The following SEMA5A variants were observed in gnomAD, a reference collection of about 807,000 sequenced individuals.
SEMA5A encodes the protein semaphorin 5A, also known as semaphorin-5A.
SEMA5A carries 55 observed loss-of-function variants against 135.5 expected under a neutral mutation model. That is an observed-to-expected ratio of 0.41 (90% CI 0.33 to 0.51). The LOEUF is 0.51. SEMA5A is among the 20% of genes least tolerant of loss of function. SEMA5A has a pLI of 0.37. For synonymous variants in SEMA5A, 580 were observed against 546.5 expected (o/e 1.06, Z -0.85); for missense variants, 1,290 against 1,419.9 (o/e 0.91, Z 1.47).
At chr5:9,175,155 C>A (rs926840427) in intron 11 of SEMA5A, among the ~76,000 whole-genome samples, 1 of 151,942 alleles carries the variant, frequency 6.6e-6, no homozygotes, top group Non-Finnish European at 1.5e-5. Context: ...TCCCTGCATC[C>A]CCAAAGGAAT....
chr5:9,501,435 T>C (rs1735594180), intron 1 of SEMA5A, among the ~76,000 whole-genome samples: 1 of 152,330 alleles, frequency 6.6e-6, no homozygotes, highest in South Asian at 2.1e-4. Flanking sequence ...AGTATACATA[T>C]AAAAACATAC....
chr5:9,401,819 G>A (rs762350051), intron 2 of SEMA5A, among the ~76,000 whole-genome samples: 5 of 152,110 alleles, frequency 3.3e-5, no homozygotes, highest in Non-Finnish European at 5.9e-5. Context: ...GTCCTAATAA[G>A]CAGCTGCTTC....
intron 3 of SEMA5A, among the ~76,000 whole-genome samples, chr5:9,338,791 T>C (rs1753510414): frequency 6.6e-6 from 1 of 152,152 alleles, no homozygotes; most frequent in Non-Finnish European, 1.5e-5. Flanking sequence ...CAAACGCTGA[T>C]GCTAAACACA....
intron 5 of SEMA5A, among the ~76,000 whole-genome samples, chr5:9,313,803 G>T (rs1752271504): frequency 6.6e-6 from 1 of 152,166 alleles, no homozygotes; most frequent in African/African-American, 2.4e-5. Flanking sequence ...TAGGGTGAAG[G>T]TGATTGAGAC....
chr5:9,234,345 A>G (rs1747792521), intron 6 of SEMA5A, among the ~76,000 whole-genome samples: 1 of 152,182 alleles, frequency 6.6e-6, no homozygotes, highest in African/African-American at 2.4e-5. Flanking sequence ...GCTTGGTCAC[A>G]TCATGGTCAT....
chr5:9,141,729 G>A (rs374770340), intron 12 of SEMA5A, among the ~76,000 whole-genome samples: 6 of 151,938 alleles, frequency 3.9e-5, no homozygotes, highest in African/African-American at 1.5e-4. Flanking sequence ...TTGCAATTAC[G>A]TTTTTTGTTA....
chr5:9,415,238 G>A (rs1237989005), intron 2 of SEMA5A, among the ~76,000 whole-genome samples: 1 of 152,158 alleles, frequency 6.6e-6, no homozygotes, highest in Admixed American at 6.5e-5. Flanking sequence ...ATTCCAGAAA[G>A]GAAAAAGCCT....
chr5:9,327,709 T>C (rs902832301), intron 4 of SEMA5A, among the ~76,000 whole-genome samples: 1 of 152,232 alleles, frequency 6.6e-6, no homozygotes, highest in African/African-American at 2.4e-5. Context: ...GTAAAAGTTA[T>C]TAATCAATAT....
chr5:9,284,018 A>C (rs1252131183), intron 5 of SEMA5A, among the ~76,000 whole-genome samples: 1 of 152,084 alleles, frequency 6.6e-6, no homozygotes, highest in Non-Finnish European at 1.5e-5. Flanking sequence ...GATAATAGGC[A>C]GATGATAGAT....
At chr5:9,141,981 T>C (rs1742088091) in intron 12 of SEMA5A, among the ~76,000 whole-genome samples, 1 of 152,212 alleles carries the variant, frequency 6.6e-6, no homozygotes, top group Non-Finnish European at 1.5e-5. Context: ...TTTAAAAGTG[T>C]TTCAATCATG....
At chr5:9,213,275 G>A (rs760907091) in intron 8 of SEMA5A, among the ~76,000 whole-genome samples, 13 of 152,274 alleles carry the variant, frequency 8.5e-5, no homozygotes, top group Non-Finnish European at 8.8e-5. Context: ...AAAAATGTCC[G>A]TTGAGTGCTT....
chr5:9,245,563 G>A (rs887505075), intron 5 of SEMA5A, among the ~76,000 whole-genome samples: 1 of 152,040 alleles, frequency 6.6e-6, no homozygotes, highest in African/African-American at 2.4e-5. Flanking sequence ...TTATAAATAA[G>A]ACCACTTTGA....
At chr5:9,363,145 G>A (rs1754769804) in intron 3 of SEMA5A, 2 of 152,144 alleles carry the variant, frequency 1.3e-5, no homozygotes, top group Admixed American at 1.3e-4. Flanking sequence ...TACTTTGTGT[G>A]GTTATGTGGC....
intron 3 of SEMA5A, among the ~76,000 whole-genome samples, chr5:9,350,725 G>T (rs1754076182): frequency 6.6e-6 from 1 of 152,204 alleles, no homozygotes. Context: ...GGAGAATACA[G>T]TGCTGTCCTT....
chr5:9,485,153 CAT>C (rs960200032), intron 1 of SEMA5A, among the ~76,000 whole-genome samples: 7 of 151,966 alleles, frequency 4.6e-5, no homozygotes, highest in South Asian at 4.2e-4. Flanking sequence ...CCAGGGGAAA[CAT>C]GTGTGGAGCC....
At chr5:9,463,917 G>T (rs573626190) in intron 1 of SEMA5A, among the ~76,000 whole-genome samples, 1 of 152,276 alleles carries the variant, frequency 6.6e-6, no homozygotes, top group Admixed American at 6.5e-5. Context: ...TATCTATGTT[G>T]TTACTGGTTG....
intron 4 of SEMA5A, among the ~76,000 whole-genome samples, chr5:9,334,667 T>A (rs73050524): frequency 0.013 from 1,909 of 152,284 alleles, 39 homozygotes; most frequent in African/African-American, 0.044. Flanking sequence ...TTAGAGTCAC[T>A]TAGGTAGGGG....
chr5:9,091,357 T>C (rs1739025005), intron 16 of SEMA5A, among the ~76,000 whole-genome samples: 1 of 152,200 alleles, frequency 6.6e-6, no homozygotes, highest in Admixed American at 6.5e-5. Context: ...ATACTGTAGA[T>C]GTACCCATGG....
At chr5:9,144,743 C>T (rs999093585) in intron 12 of SEMA5A, among the ~76,000 whole-genome samples, 5 of 152,192 alleles carry the variant, frequency 3.3e-5, no homozygotes, top group Admixed American at 3.3e-4. Flanking sequence ...AATCCATGGA[C>T]AGATGCTCCC....
Sources: allele counts gnomAD v4.1 joint callset (sites outside exome capture counted in the v4.1 genomes callset), GRCh38; gene constraint gnomAD v4.1.1; transcripts MANE v1.5; gene names NCBI Gene and HGNC (gene_info 2026-07-23, HGNC 2026-07-21).